Variants in BLK observed in about 807,000 individuals in gnomAD.
The protein encoded by BLK is BLK proto-oncogene, Src family tyrosine kinase, also known as tyrosine-protein kinase Blk.
A neutral mutation model predicts 61.8 loss-of-function variants in BLK; 64 were observed. The ratio of observed to expected loss-of-function variants is 1.03; its 90% CI spans 0.85 to 1.27. The LOEUF (loss-of-function observed/expected upper bound fraction) is 1.27, where lower values mean the gene tolerates loss of function less well. Among genes scored for constraint, BLK ranks in the 50% most tolerant of loss-of-function variants. BLK has a pLI of 0.00. For synonymous variants in BLK, 351 were observed against 272.0 expected, an observed-to-expected ratio of 1.29 and a Z score of -2.86; for missense variants, 853 against 660.5, an observed-to-expected ratio of 1.29 and a Z score of -3.19.
intron 1 of BLK, among the ~76,000 whole-genome samples, chr8:11,503,833 C>T (rs1341305950): frequency 6.6e-6 from 1 of 152,156 alleles, no homozygotes; most frequent in Non-Finnish European, 1.5e-5. Context: ...GGCCATCTTC[C>T]ACCCTCCCCT....
intron 1 of BLK, among the ~76,000 whole-genome samples, chr8:11,527,781 A>C (rs1799719345): frequency 6.6e-6 from 1 of 152,026 alleles, no homozygotes; most frequent in African/African-American, 2.4e-5. Flanking sequence ...GGTGTAAAAA[A>C]AAAAAAAAAT....
intron 1 of BLK, among the ~76,000 whole-genome samples, chr8:11,533,907 G>A (rs972820102): frequency 6.6e-6 from 1 of 152,268 alleles, no homozygotes; most frequent in Non-Finnish European, 1.5e-5. Flanking sequence ...TAAAACTGCA[G>A]GCATTATTTA....
At chr8:11,513,988 T>C (rs1799125630) in intron 1 of BLK, among the ~76,000 whole-genome samples, 1 of 152,208 alleles carries the variant, frequency 6.6e-6, no homozygotes. Flanking sequence ...TGGGGCATTT[T>C]ATAGGTCTCC....
rs1165349046 is a variant in BLK at position 11,564,488 on chromosome 8, GC to G, written c.*384del. On this transcript the variant is annotated 3_prime_UTR_variant, in exon 13 of 13. Transcript: ENST00000259089. ...CTGCGCCCTGCGTGGACCCCGCCCT[GC>G]CCCGCTACAGAAGCCAGACTGGGTC... 1 of 517,468 alleles carries G rather than the reference GC, an allele frequency of 1.9e-6. No individual in the cohort carries two copies. The highest frequency in any genetic ancestry group is 1.5e-5 in the South Asian group (1 of 65,010). 32.1% of individuals were successfully genotyped at this position (517,468 alleles called of 1,614,324 possible).
chr8:11,522,042 T>C (rs367814541), intron 1 of BLK, among the ~76,000 whole-genome samples: 3 of 152,246 alleles, frequency 2.0e-5, no homozygotes, highest in African/African-American at 7.2e-5. Context: ...TGAGTCCTCC[T>C]AATCATGGTA....
At chr8:11,515,260 C>T (rs531100475) in intron 1 of BLK, among the ~76,000 whole-genome samples, 3 of 152,298 alleles carry the variant, frequency 2.0e-5, no homozygotes, top group South Asian at 2.1e-4. Flanking sequence ...TTACATCCTC[C>T]CTGTGCCACT....
At position 11,560,759 on chromosome 8, in the gene BLK, C is replaced by T. The variant is rs538464792; in HGVS notation, c.1030-543C>T. The T allele has an allele frequency of 4.4e-5, 19 of 434,420 alleles. 1 individual carries two copies. The highest frequency in any genetic ancestry group is 2.4e-4 in the South Asian group (15 of 62,498). The allele number at this position is 434,420 out of a possible 1,614,324, so 26.9% of individuals were successfully genotyped here. A position where few individuals can be genotyped will look rare whatever the true frequency, so the allele number is the denominator to read the frequency against. ...GAGGTTCTTGGTCACAAATCAACCT[C>T]GTCTAATGCTTGCCTCAACCCCCTG... On this transcript the variant is annotated intron_variant, in intron 10 of 12. Coordinates refer to ENST00000259089, the MANE Select transcript of BLK (RefSeq NM_001715.3).
intron 1 of BLK, among the ~76,000 whole-genome samples, chr8:11,499,958 C>T (rs971401906): frequency 6.6e-6 from 1 of 151,808 alleles, no homozygotes; most frequent in African/African-American, 2.4e-5. Context: ...CAAATCTTTT[C>T]TGGAAACACT....
rs367780488 is a variant in BLK, at chr8:11,564,147, C to T, written c.*39C>T. ...CCTGCGCCCCGTGCCCACCTCTGCGCGGACGACCCCGACTTCCGTGCCATC... is the reference window on the plus strand; with the variant it reads ...CCTGCGCCCCGTGCCCACCTCTGCGTGGACGACCCCGACTTCCGTGCCATC... On this transcript the variant is annotated 3_prime_UTR_variant, in exon 13 of 13. Coordinates refer to ENST00000259089, the MANE Select transcript of BLK (RefSeq NM_001715.3). The T allele has an allele frequency of 3.4e-4, 526 of 1,532,274 alleles. No homozygotes were observed. The African/African-American group carries it at 6.5e-3, about 19-fold the overall frequency. The allele number at this position is 1,532,274 out of a possible 1,614,324, so 94.9% of individuals were successfully genotyped here.
rs544501735 is a variant in BLK, at chr8:11,548,136, A to G, written c.269+11A>G. 3.1e-6 allele frequency: 5 copies of G among 1,607,274 alleles called. No individual in the cohort carries two copies. The Admixed American group carries it at 6.7e-5, about 21-fold the overall frequency. ...ACAGGTCCTGAAGGGGTGAGGTTCC[A>G]GGACACCATCCCCTGTCCCTGCAGG... On this transcript the variant is annotated intron_variant, in intron 4 of 12. Coordinates refer to ENST00000259089, the MANE Select transcript of BLK (RefSeq NM_001715.3).
At chr8:11,497,034 T>C (rs899146320) in intron 1 of BLK, among the ~76,000 whole-genome samples, 1 of 151,772 alleles carries the variant, frequency 6.6e-6, no homozygotes, top group Non-Finnish European at 1.5e-5. Context: ...CAGAGAAACC[T>C]GGCCCCTCTT....
chr8:11,554,062 A>G (rs1485676950), intron 6 of BLK: 7 of 154,810 alleles, frequency 4.5e-5, no homozygotes, highest in African/African-American at 1.7e-4. Flanking sequence ...GGGTAAGGTC[A>G]TGGTACCCAA....
At chr8:11,499,930 T>G (rs1477438916) in intron 1 of BLK, among the ~76,000 whole-genome samples, 1 of 152,178 alleles carries the variant, frequency 6.6e-6, no homozygotes. Flanking sequence ...GTATTGTATG[T>G]ATTTTTATAA....
intron 3 of BLK, among the ~76,000 whole-genome samples, chr8:11,547,303 C>T (rs1800690446): frequency 6.6e-6 from 1 of 152,264 alleles, no homozygotes; most frequent in East Asian, 1.9e-4. Flanking sequence ...GGTCACAACA[C>T]TCAGCTCAGT....
chr8:11,527,879 A>G (rs1383380674), intron 1 of BLK, among the ~76,000 whole-genome samples: 1 of 152,134 alleles, frequency 6.6e-6, no homozygotes, highest in Non-Finnish European at 1.5e-5. Flanking sequence ...CTCTGGCCAC[A>G]TGACTCCTGA....
At chr8:11,529,785 G>A (rs1585364005) in intron 1 of BLK, among the ~76,000 whole-genome samples, 1 of 152,338 alleles carries the variant, frequency 6.6e-6, no homozygotes, top group East Asian at 1.9e-4. Context: ...GAGGTTAGAA[G>A]CAAGATGCAG....
intron 1 of BLK, among the ~76,000 whole-genome samples, chr8:11,538,644 G>T (rs894090351): frequency 1.3e-5 from 2 of 152,214 alleles, no homozygotes; most frequent in Non-Finnish European, 2.9e-5. Flanking sequence ...AATATGGCTG[G>T]CCAGACTAAG....
At position 11,560,294 on chromosome 8, in the gene BLK, G is replaced by T. The variant is rs549579573; in HGVS notation, c.1030-1008G>T. 107 of 215,316 alleles carry T rather than the reference G, an allele frequency of 5.0e-4. 1 individual carries two copies. In the South Asian group the frequency reaches 8.0e-3, roughly 16 times the overall value. The allele number at this position is 215,316 out of a possible 1,614,324, so 13.3% of individuals were successfully genotyped here. A position where few individuals can be genotyped will look rare whatever the true frequency, so the allele number is the denominator to read the frequency against. ...GGATGGATGGATGGATCCATGGATG[G>T]ATGGATACATGGAAGGATGCATAGA... On this transcript the variant is annotated intron_variant, in intron 10 of 12. Coordinates refer to ENST00000259089, the MANE Select transcript of BLK (RefSeq NM_001715.3).
Position 11,546,058 on chromosome 8 carries a change from T to C in BLK, c.130T>C (p.Phe44Leu). ...DAPPLPPLVV[F>L]NHLTPPPPDE... ...TGTGTGTTTTCTACCCAAGGTTGTC[T>C]TCAACCACCTTACTCCTCCACCGCC... The change falls in exon 3 of 13, where the codon TTC (phenylalanine) becomes CTC (leucine). Residue 44 changes from phenylalanine to leucine, a missense_variant. Physicochemically the swap from Phe to Leu is conservative, Grantham distance 22. Coordinates refer to ENST00000259089, the MANE Select transcript of BLK (RefSeq NM_001715.3). The C allele has an allele frequency of 6.2e-7, 1 of 1,614,142 alleles. No individual in the cohort carries two copies. Among genetic ancestry groups the C allele is most frequent in the Non-Finnish European group, 8.5e-7 (1 of 1,180,010 alleles).
Sources: allele counts gnomAD v4.1 joint callset (sites outside exome capture counted in the v4.1 genomes callset), GRCh38; gene constraint gnomAD v4.1.1; transcripts MANE v1.5; gene names NCBI Gene and HGNC (gene_info 2026-07-23, HGNC 2026-07-21).